ZNF773: variants seen among roughly 807,000 people sequenced by gnomAD.
The protein encoded by ZNF773 is zinc finger protein 419B.
In ZNF773, 11 loss-of-function variants were observed where a neutral mutation model predicts 12.8. The ratio of observed to expected loss-of-function variants is 0.86; its 90% CI spans 0.54 to 1.42. ZNF773 has a LOEUF of 1.42. Ranked by LOEUF, ZNF773 falls within the 40% of genes most tolerant of loss-of-function variation. The pLI, the probability that ZNF773 is intolerant of heterozygous loss-of-function variation, is 0.00. For synonymous variants in ZNF773, 175 were observed against 178.4 expected, an observed-to-expected ratio of 0.98 and a Z score of 0.15; for missense variants, 518 against 527.2, an observed-to-expected ratio of 0.98 and a Z score of 0.17.
downstream of ZNF773, among the ~76,000 whole-genome samples, chr19:57,512,673 A>G (rs1270910926): frequency 1.3e-5 from 2 of 152,202 alleles, no homozygotes; most frequent in Non-Finnish European, 2.9e-5. Flanking sequence ...TGGAGACTAT[A>G]TGAGCAAACA....
At chr19:57,513,579 T>C (rs1044941035), downstream of ZNF773, 1 of 152,294 alleles carries the variant, frequency 6.6e-6, no homozygotes, top group African/African-American at 2.4e-5. Flanking sequence ...GGGTCATTGA[T>C]ATTTCTCCTC....
In ZNF773 at chr19:57,507,553, G is replaced by A. The variant is rs2089755425; in HGVS notation, c.*129G>A. 6.9e-7 allele frequency: 1 copy of A among 1,448,946 alleles called. No individual in the cohort carries two copies. The highest frequency in any genetic ancestry group is 9.0e-7 in the Non-Finnish European group (1 of 1,107,414). The allele number at this position is 1,448,946 out of a possible 1,614,324, so 89.8% of individuals were successfully genotyped here. ...CTCCAAACTCATTCAACACTGGACA[G>A]TTCACAGAGTGGACAATGTAGTGAA... is the stretch of plus-strand genomic sequence containing the variant. On this transcript the variant is annotated 3_prime_UTR_variant, in exon 4 of 4. Transcript: ENST00000282292.
chr19:57,512,259 T>C (rs1299673831), downstream of ZNF773, among the ~76,000 whole-genome samples: 1 of 152,154 alleles, frequency 6.6e-6, no homozygotes, highest in Non-Finnish European at 1.5e-5. Context: ...TAATACAAAA[T>C]ATATGTAGGT....
Position 57,507,623 on chromosome 19 carries a change from A to G in ZNF773, c.*199A>G. ...CAAAGGCCTAACCGTATTCAACACC[A>G]GAAAGTTTAGACTGGAGAAAGGCCT... On this transcript the variant is annotated 3_prime_UTR_variant, in exon 4 of 4. Transcript: ENST00000282292. 2 of 1,389,438 alleles carry G rather than the reference A, an allele frequency of 1.4e-6. No individual in the cohort carries two copies. Among genetic ancestry groups the G allele is most frequent in the South Asian group, 1.8e-5 (1 of 54,338 alleles). 86.1% of individuals were successfully genotyped at this position (1,389,438 alleles called of 1,614,324 possible).
chr19:57,504,817 T>A, intron 2 of ZNF773, 31 bp downstream of exon 2: 1 of 1,592,720 alleles, frequency 6.3e-7, no homozygotes, highest in Non-Finnish European at 8.6e-7. Flanking sequence ...CCCAGCATCC[T>A]GAGCTGGACT....
At chr19:57,516,369 T>C (rs941276856), downstream of ZNF773, 1 of 153,568 alleles carries the variant, frequency 6.5e-6, no homozygotes, top group Non-Finnish European at 1.5e-5. Context: ...CAAAAACTTA[T>C]TGGGCATATA....
At chr19:57,505,777 C>T (rs1273896841) in intron 3 of ZNF773, among the ~76,000 whole-genome samples, 1 of 140,530 alleles carries the variant, frequency 7.1e-6, no homozygotes, top group Non-Finnish European at 1.5e-5. Context: ...GTGGCGTGAT[C>T]TCGGCTCACT....
At chr19:57,501,284 T>TTC (rs2089667667) in intron 1 of ZNF773, among the ~76,000 whole-genome samples, 1 of 149,614 alleles carries the variant, frequency 6.7e-6, no homozygotes, top group African/African-American at 2.4e-5. Flanking sequence ...TTTCTTTCTT[T>TTC]TTTTTTTTTT....
In ZNF773 at chr19:57,507,276, G is replaced by C. The variant is rs373115086; in HGVS notation, c.1181G>C (p.Arg394Thr). 2.5e-6 allele frequency: 4 copies of C among 1,611,062 alleles called. No homozygotes were observed. The African/African-American group carries it at 5.4e-5, about 22-fold the overall frequency. The change falls in exon 4 of 4, where the codon AGA becomes ACA. Residue 394 changes from arginine to threonine, a missense_variant. By Grantham distance (71) the Arg-to-Thr change is moderately conservative. Transcript: ENST00000282292. ...EKPFKCNECG[R>T]FFSENSSLVK... ...CCTTTTAAGTGCAATGAATGTGGGAGATTCTTTAGTGAGAATTCCAGCCTT... is the reference window on the plus strand; with the variant it reads ...CCTTTTAAGTGCAATGAATGTGGGACATTCTTTAGTGAGAATTCCAGCCTT...
rs2089709828 is a variant in ZNF773, at chr19:57,504,760, A to G, written c.137A>G (p.Glu46Gly). The G allele has an allele frequency of 4.3e-6, 7 of 1,613,586 alleles. No homozygotes were observed. The East Asian group carries it at 1.3e-4, about 31-fold the overall frequency. ...QRLLYRNVML[E>G]NFTLLASLGL... ...CTCCTCTACCGCAATGTGATGCTGG[A>G]GAACTTTACACTTCTGGCCTCTCTG... is the stretch of plus-strand genomic sequence containing the variant. Residue 46 changes from glutamate (E) to glycine (G), a missense_variant, in exon 2 of 4, where the codon GAG (glutamate) becomes GGG (glycine). Glu to Gly is a moderately conservative substitution (Grantham distance 98). Transcript: ENST00000282292.
intron 3 of ZNF773, among the ~76,000 whole-genome samples, 187 bp from the exon 4 acceptor site, chr19:57,506,171 G>A (rs2089730180): frequency 6.6e-6 from 1 of 152,074 alleles, no homozygotes; most frequent in African/African-American, 2.4e-5. Context: ...TGCTCATGAG[G>A]CCTCCCCAAA....
downstream of ZNF773, chr19:57,513,092 A>G (rs759921580): frequency 1.4e-5 from 21 of 1,504,408 alleles, no homozygotes; most frequent in Non-Finnish European, 1.9e-5. Flanking sequence ...GAGCAGAGAA[A>G]GTGAAACTGA....
Position 57,505,457 on chromosome 19 carries a change from C to G in ZNF773, c.262+57C>G, listed in dbSNP as rs558581293. ...AACTCGGGTATGGGTTTGTATCATA[C>G]CAGGAGTCTTTCCAGTGGGCCCAGA... On this transcript the variant is annotated intron_variant, in intron 3 of 3. Transcript: ENST00000282292. 47 of 1,587,424 alleles carry G rather than the reference C, an allele frequency of 3.0e-5. 1 individual carries two copies. In the South Asian group the frequency reaches 4.6e-4, roughly 16 times the overall value.
intron 3 of ZNF773, 75 bp downstream of exon 3, chr19:57,505,475 G>C (rs1226187735): frequency 4.1e-5 from 63 of 1,527,042 alleles, no homozygotes; most frequent in Non-Finnish European, 5.4e-5. Flanking sequence ...CTTTCCAGTG[G>C]GCCCAGATAT....
downstream of ZNF773, chr19:57,517,783 G>A (rs1015704378): frequency 6.6e-6 from 1 of 152,158 alleles, no homozygotes; most frequent in African/African-American, 2.4e-5. Flanking sequence ...TGTTACTTTT[G>A]ATATTAATGA....
chr19:57,502,361 G>A (rs1365939469), intron 1 of ZNF773, among the ~76,000 whole-genome samples: 2 of 152,214 alleles, frequency 1.3e-5, no homozygotes, highest in Non-Finnish European at 2.9e-5. Context: ...GAATGCTTAG[G>A]CAACCTTAGA....
downstream of ZNF773, chr19:57,508,289 C>T: frequency 8.2e-7 from 1 of 1,214,568 alleles, no homozygotes; most frequent in Non-Finnish European, 1.0e-6. Context: ...GAAAATAGCC[C>T]TCTGTCTTGG....
chr19:57,506,502 G>A lies in ZNF773; in HGVS notation c.407G>A (p.Arg136Lys), dbSNP rs746386332. ...CAAGAGGGCAGGGTCCCAGTTTTGAGGAGTTGCAGAGTCCACCTATCAGAG... is the reference window on the plus strand; with the variant it reads ...CAAGAGGGCAGGGTCCCAGTTTTGAAGAGTTGCAGAGTCCACCTATCAGAG... ...KRQEGRVPVL[R>K]SCRVHLSEKS... The change falls in exon 4 of 4, where the codon AGG becomes AAG. Residue 136 changes from arginine (R) to lysine (K), a missense_variant. Physicochemically the swap from Arg to Lys is conservative, Grantham distance 26. Coordinates refer to ENST00000282292, the MANE Select transcript of ZNF773 (RefSeq NM_198542.3). The A allele has an allele frequency of 2.5e-6, 4 of 1,614,182 alleles. No homozygotes were observed. Among genetic ancestry groups the A allele is most frequent in the Non-Finnish European group, 3.4e-6 (4 of 1,180,036 alleles).
chr19:57,516,003 G>T (rs1404238459), downstream of ZNF773: 1 of 152,746 alleles, frequency 6.5e-6, no homozygotes, highest in African/African-American at 2.4e-5. Context: ...CAATGGAAAG[G>T]CCCGGTAGAC....
Sources: gnomAD v4.1 joint callset for allele counts (sites outside exome capture counted in the v4.1 genomes callset) on GRCh38, gnomAD v4.1.1 for gene constraint, MANE v1.5 for transcripts, NCBI Gene and HGNC (gene_info 2026-07-23, HGNC 2026-07-21) for gene names.